Variants in DCDC2C observed in about 807,000 individuals in gnomAD.
DCDC2C encodes doublecortin domain-containing protein 2C.
DCDC2C carries 44 observed loss-of-function variants against 45.0 expected under a neutral mutation model. The observed-to-expected ratio is 0.98, with a 90% CI of 0.77 to 1.26. The LOEUF is 1.26. DCDC2C is among the 50% of genes most tolerant of loss of function. DCDC2C has a pLI of 0.00. For synonymous variants in DCDC2C, 187 were observed against 178.8 expected, an observed-to-expected ratio of 1.05 and a Z score of -0.37; for missense variants, 447 against 468.9, an observed-to-expected ratio of 0.95 and a Z score of 0.43.
chr2:3,800,238 G>T (rs1186130781), intron 10 of DCDC2C, among the ~76,000 whole-genome samples: 1 of 152,166 alleles, frequency 6.6e-6, no homozygotes, highest in East Asian at 1.9e-4. Flanking sequence ...CGCACACGGT[G>T]CGCGCACCCA....
rs1020039617 is a variant in DCDC2C, at chr2:3,703,963, G to A, written c.212G>A (p.Arg71Gln). The change falls in exon 1 of 11, where the codon CGG (arginine) becomes CAG (glutamine). Residue 71 changes from arginine to glutamine, a missense_variant. Coordinates refer to ENST00000399143, the MANE Select transcript of DCDC2C (RefSeq NM_001287444.2). This position sits in a 1 kb window ranked among gnomAD's most constrained non-coding sequence, Gnocchi z 4.4. ...CTCTTCACGCCCACGCGTGGGCACC[G>A]GGTGCTGGGGCTGGACGCGCTGCAG... The part of the protein sequence containing the change: ...RRLFTPTRGH[R>Q]VLGLDALQAG... The A allele has an allele frequency of 7.8e-5, 103 of 1,313,312 alleles. No homozygotes were observed. Among genetic ancestry groups the A allele is most frequent in the Non-Finnish European group, 9.7e-5 (100 of 1,031,236 alleles). The allele number at this position is 1,313,312 out of a possible 1,614,324, so 81.4% of individuals were successfully genotyped here. A position where few individuals can be genotyped will look rare whatever the true frequency, so the allele number is the denominator to read the frequency against.
intron 4 of DCDC2C, among the ~76,000 whole-genome samples, chr2:3,751,559 C>T (rs1669543522): frequency 6.6e-6 from 1 of 152,224 alleles, no homozygotes; most frequent in South Asian, 2.1e-4. Context: ...ACACACAGGC[C>T]TTATCCAGGC....
chr2:3,840,899 C>T (rs906262040), intron 10 of DCDC2C, among the ~76,000 whole-genome samples: 1 of 152,210 alleles, frequency 6.6e-6, no homozygotes, highest in Non-Finnish European at 1.5e-5. Context: ...TTCCCACTGA[C>T]AGGCAGCCTT....
At chr2:3,845,317 G>A (rs957385421) in intron 10 of DCDC2C, among the ~76,000 whole-genome samples, 6 of 152,196 alleles carry the variant, frequency 3.9e-5, no homozygotes, top group South Asian at 2.1e-4. Flanking sequence ...GTTACCAAGC[G>A]AGAGAAGACA....
intron 9 of DCDC2C, among the ~76,000 whole-genome samples, chr2:3,779,729 C>T (rs1294655575): frequency 6.6e-6 from 1 of 152,128 alleles, no homozygotes; most frequent in African/African-American, 2.4e-5. Flanking sequence ...ATTTATCCTC[C>T]AGGGCTGTAA....
intron 10 of DCDC2C, among the ~76,000 whole-genome samples, chr2:3,789,094 C>T (rs1347611135): frequency 6.6e-6 from 1 of 152,086 alleles, no homozygotes; most frequent in Non-Finnish European, 1.5e-5. Context: ...TCAAGTGATC[C>T]ACCCACCTCA....
chr2:3,816,650 T>C (rs1312779362), intron 10 of DCDC2C, among the ~76,000 whole-genome samples: 1 of 152,218 alleles, frequency 6.6e-6, no homozygotes, highest in African/African-American at 2.4e-5. Flanking sequence ...ATAGGACTTA[T>C]CAGGGTGAAA....
chr2:3,715,760 C>T (rs916877011), intron 2 of DCDC2C, among the ~76,000 whole-genome samples: 1 of 152,146 alleles, frequency 6.6e-6, no homozygotes, highest in Non-Finnish European at 1.5e-5. Flanking sequence ...TGGTTATGTA[C>T]CAGGTACTAT....
At chr2:3,750,615 G>A (rs1038283390) in intron 4 of DCDC2C, among the ~76,000 whole-genome samples, 4 of 152,166 alleles carry the variant, frequency 2.6e-5, no homozygotes, top group South Asian at 2.1e-4. Context: ...CTGTCCTGCC[G>A]GGCGGTATGG....
rs1360063332 is a variant in DCDC2C at position 3,802,800 on chromosome 2, T to C, written c.1065+17700T>C. Among the ~76,000 whole-genome samples, 5 of 152,176 alleles carry C rather than the reference T, an allele frequency of 3.3e-5. No homozygotes were observed. In the East Asian group the frequency reaches 9.6e-4, roughly 29 times the overall value. On this transcript the variant is annotated intron_variant, in intron 10 of 10. Transcript: ENST00000399143. ...ATCCTTCTTTCCTAAATGACCCATC[T>C]CCATTTTCCTCTCAAAAGTCTTCAT...
intron 10 of DCDC2C, among the ~76,000 whole-genome samples, chr2:3,816,646 C>T (rs1356699253): frequency 6.6e-6 from 1 of 152,176 alleles, no homozygotes; most frequent in African/African-American, 2.4e-5. Context: ...AAGAATAGGA[C>T]TTATCAGGGT....
chr2:3,819,240 G>A (rs1671628053), intron 10 of DCDC2C, among the ~76,000 whole-genome samples: 1 of 152,218 alleles, frequency 6.6e-6, no homozygotes, highest in Non-Finnish European at 1.5e-5. Context: ...TTCTGGGAGT[G>A]GCTGCCAGGC....
chr2:3,770,269 T>A (rs1338436756), intron 8 of DCDC2C, among the ~76,000 whole-genome samples: 1 of 152,260 alleles, frequency 6.6e-6, no homozygotes, highest in African/African-American at 2.4e-5. Flanking sequence ...CCCCTGCTCC[T>A]GTAACTGTAA....
In DCDC2C at chr2:3,703,576, GCCCCGTCCCGTCCCCGTCCAGC is replaced by G. The variant is rs1216674333; in HGVS notation, c.-156_-135del. 343 of 598,336 alleles carry G rather than the reference GCCCCGTCCCGTCCCCGTCCAGC, an allele frequency of 5.7e-4. No individual in the cohort carries two copies. Among genetic ancestry groups the G allele is most frequent in the East Asian group, 2.3e-3 (56 of 24,486 alleles). 37.1% of individuals were successfully genotyped at this position (598,336 alleles called of 1,614,324 possible). ...ACACGCAGCCTCCGCCCGCCTGGCAGCCCCGTCCCGTCCCCGTCCAGCCCCCGTCCCGTCCCCGTCCCGTCCC... is the reference window on the plus strand; with the variant it reads ...ACACGCAGCCTCCGCCCGCCTGGCAGCCCCGTCCCGTCCCCGTCCCGTCCC... On this transcript the variant is annotated 5_prime_UTR_variant, in exon 1 of 11. Coordinates refer to ENST00000399143, the MANE Select transcript of DCDC2C (RefSeq NM_001287444.2). This position sits in a 1 kb window ranked among gnomAD's most constrained non-coding sequence, Gnocchi z 4.4.
chr2:3,811,037 T>C (rs1252133021), intron 10 of DCDC2C, among the ~76,000 whole-genome samples: 1 of 152,202 alleles, frequency 6.6e-6, no homozygotes, highest in African/African-American at 2.4e-5. Context: ...TTGTTCTTTT[T>C]GCCTAGGATT....
intron 8 of DCDC2C, among the ~76,000 whole-genome samples, chr2:3,776,576 C>A (rs1218498478): frequency 6.6e-6 from 1 of 152,182 alleles, no homozygotes; most frequent in South Asian, 2.1e-4. Context: ...TCCCTCTGGC[C>A]GCTCGTTGTC....
intron 10 of DCDC2C, among the ~76,000 whole-genome samples, chr2:3,824,034 A>T (rs1671757609): frequency 6.6e-6 from 1 of 152,276 alleles, no homozygotes; most frequent in Non-Finnish European, 1.5e-5. Flanking sequence ...AAATATTTAC[A>T]GAATCAGACA....
intron 10 of DCDC2C, among the ~76,000 whole-genome samples, chr2:3,798,924 C>A (rs1239622973): frequency 1.3e-5 from 2 of 152,112 alleles, no homozygotes; most frequent in African/African-American, 4.8e-5. Flanking sequence ...GCCTGCCTTG[C>A]TAGATTGGGG....
intron 7 of DCDC2C, among the ~76,000 whole-genome samples, chr2:3,768,844 G>A (rs1350778819): frequency 6.6e-6 from 1 of 152,204 alleles, no homozygotes; most frequent in African/African-American, 2.4e-5. Flanking sequence ...AAAGTGTTGG[G>A]ATTACAGGCG....
Sources: allele counts gnomAD v4.1 joint callset (sites outside exome capture counted in the v4.1 genomes callset), GRCh38; gene constraint gnomAD v4.1.1; non-coding constraint Gnocchi (gnomAD v3.1); transcripts MANE v1.5; gene names NCBI Gene and HGNC (gene_info 2026-07-23, HGNC 2026-07-21).